Variants in LRRTM4 observed in about 807,000 individuals in gnomAD.
LRRTM4 encodes leucine rich repeat transmembrane neuronal 4, also known as leucine-rich repeat transmembrane neuronal protein 4.
Under a neutral mutation model 47.6 loss-of-function variants are expected in LRRTM4, and 25 were observed. The observed-to-expected ratio is 0.53, with a 90% CI of 0.38 to 0.73. The LOEUF is 0.73. Ranked by LOEUF, LRRTM4 falls within the 30% of genes least tolerant of loss-of-function variation. The probability of loss-of-function intolerance (pLI) is 0.00; values close to 1 mark genes in which losing one functional copy is unlikely to be tolerated. For synonymous variants in LRRTM4, 311 were observed against 269.5 expected, an observed-to-expected ratio of 1.15 and a Z score of -1.51; for missense variants, 638 against 713.4, an observed-to-expected ratio of 0.89 and a Z score of 1.20.
intron 3 of LRRTM4, among the ~76,000 whole-genome samples, chr2:77,320,401 G>A (rs1677754020): frequency 6.6e-6 from 1 of 152,212 alleles, no homozygotes; most frequent in African/African-American, 2.4e-5. Flanking sequence ...GAAGGAGAAT[G>A]AAACTCTTCA....
At chr2:76,758,301 G>T (rs546436969) in intron 3 of LRRTM4, among the ~76,000 whole-genome samples, 2 of 152,300 alleles carry the variant, frequency 1.3e-5, no homozygotes, top group East Asian at 3.9e-4. Context: ...AAATTCACAT[G>T]TAAGTGAAGT....
intron 3 of LRRTM4, among the ~76,000 whole-genome samples, chr2:76,831,412 C>T (rs1671349084): frequency 6.6e-6 from 1 of 152,156 alleles, no homozygotes. Context: ...CTGTGTTCTA[C>T]ACCACCTGGT....
intron 3 of LRRTM4, among the ~76,000 whole-genome samples, chr2:76,966,810 T>C (rs981588395): frequency 3.3e-5 from 5 of 151,446 alleles, no homozygotes; most frequent in African/African-American, 1.2e-4. Context: ...TTAACCCTCT[T>C]TGGGGATTCT....
At chr2:76,941,404 T>G (rs1232211018) in intron 3 of LRRTM4, among the ~76,000 whole-genome samples, 1 of 152,030 alleles carries the variant, frequency 6.6e-6, no homozygotes, top group Non-Finnish European at 1.5e-5. Flanking sequence ...CATGGTGGTT[T>G]GCTGCACCCA....
intron 3 of LRRTM4, among the ~76,000 whole-genome samples, chr2:77,070,762 C>G (rs754117159): frequency 2.0e-5 from 3 of 152,076 alleles, no homozygotes; most frequent in Non-Finnish European, 2.9e-5. Context: ...TCCTGAGTAG[C>G]TGGGACTACA....
intron 3 of LRRTM4, among the ~76,000 whole-genome samples, chr2:77,433,976 A>T (rs548985205): frequency 6.6e-6 from 1 of 152,290 alleles, no homozygotes; most frequent in South Asian, 2.1e-4. Flanking sequence ...AAGTTATGGG[A>T]TTTGAGAGCA....
Position 77,024,725 on chromosome 2 carries a change from C to A in LRRTM4, c.1552-275809G>T, listed in dbSNP as rs187719561. 7.1e-4 allele frequency among the ~76,000 whole-genome samples: 108 copies of A among 152,126 alleles called. 1 individual carries two copies. In the East Asian group the frequency reaches 7.9e-3, roughly 11 times the overall value. On this transcript the variant is annotated intron_variant, in intron 3 of 3. Coordinates refer to ENST00000409884, the MANE Select transcript of LRRTM4 (RefSeq NM_001134745.3). ...GGAACAAAATTACATGTATGAACCA[C>A]TCTGAAAATATAAAACACTTTCAAA... is the stretch of plus-strand genomic sequence containing the variant.
intron 3 of LRRTM4, among the ~76,000 whole-genome samples, chr2:76,757,887 A>G (rs1202337946): frequency 6.6e-6 from 1 of 152,176 alleles, no homozygotes; most frequent in Non-Finnish European, 1.5e-5. Context: ...ATCAGCCTAT[A>G]CAACAGGATC....
At chr2:76,757,747 T>C (rs1013600267) in intron 3 of LRRTM4, among the ~76,000 whole-genome samples, 1 of 152,052 alleles carries the variant, frequency 6.6e-6, no homozygotes, top group Non-Finnish European at 1.5e-5. Flanking sequence ...AAAAAAATAA[T>C]TGTAGAAGTT....
chr2:77,189,512 A>T (rs571523818), intron 3 of LRRTM4, among the ~76,000 whole-genome samples: 13 of 152,268 alleles, frequency 8.5e-5, no homozygotes, highest in African/African-American at 3.1e-4. Context: ...GAGTGGGATT[A>T]GTGCTCTTAT....
At chr2:77,313,103 G>C (rs979273588) in intron 3 of LRRTM4, among the ~76,000 whole-genome samples, 2 of 152,116 alleles carry the variant, frequency 1.3e-5, no homozygotes, top group Non-Finnish European at 2.9e-5. Context: ...TGCAAAAACA[G>C]CCTGCTGGGA....
At chr2:76,928,838 A>C (rs1405039005) in intron 3 of LRRTM4, among the ~76,000 whole-genome samples, 1 of 152,206 alleles carries the variant, frequency 6.6e-6, no homozygotes, top group East Asian at 1.9e-4. Flanking sequence ...AGCAAAGAAC[A>C]CAAAAGAATG....
At chr2:76,990,382 C>G (rs533558813) in intron 3 of LRRTM4, among the ~76,000 whole-genome samples, 33 of 151,838 alleles carry the variant, frequency 2.2e-4, no homozygotes, top group African/African-American at 8.0e-4. Context: ...AATAGCAAGA[C>G]CCATCTGTCT....
At chr2:77,037,717 A>G (rs187719720) in intron 3 of LRRTM4, among the ~76,000 whole-genome samples, 8 of 151,800 alleles carry the variant, frequency 5.3e-5, no homozygotes, top group Admixed American at 4.6e-4. Context: ...CATTAGACAC[A>G]TTTTATTTGT....
intron 3 of LRRTM4, among the ~76,000 whole-genome samples, chr2:76,800,008 G>T (rs112317489): frequency 6.6e-6 from 1 of 151,038 alleles, no homozygotes; most frequent in East Asian, 1.9e-4. Context: ...AATCAATATC[G>T]TGAAAATGGT....
chr2:76,858,329 T>C (rs1672214297), intron 3 of LRRTM4, among the ~76,000 whole-genome samples: 1 of 152,182 alleles, frequency 6.6e-6, no homozygotes, highest in Admixed American at 6.6e-5. Flanking sequence ...ACCTGACTCT[T>C]TTCAAACTGA....
At chr2:76,909,275 A>T (rs1220755265) in intron 3 of LRRTM4, among the ~76,000 whole-genome samples, 1 of 152,232 alleles carries the variant, frequency 6.6e-6, no homozygotes, top group African/African-American at 2.4e-5. Context: ...TGGTGCTGGG[A>T]AAACTGGCTA....
At chr2:77,323,304 T>G (rs1670617981) in intron 3 of LRRTM4, among the ~76,000 whole-genome samples, 1 of 152,168 alleles carries the variant, frequency 6.6e-6, no homozygotes, top group South Asian at 2.1e-4. Flanking sequence ...GCCAGCATTT[T>G]ATTGTTTGCT....
chr2:76,944,037 C>T (rs1428514649), intron 3 of LRRTM4, among the ~76,000 whole-genome samples: 1 of 152,100 alleles, frequency 6.6e-6, no homozygotes, highest in Non-Finnish European at 1.5e-5. Flanking sequence ...TTGAGCCATC[C>T]AAAAACATAT....
Sources: allele counts gnomAD v4.1 joint callset (sites outside exome capture counted in the v4.1 genomes callset), GRCh38; gene constraint gnomAD v4.1.1; transcripts MANE v1.5; gene names NCBI Gene and HGNC (gene_info 2026-07-23, HGNC 2026-07-21).